ODAD4: variants seen among roughly 807,000 people sequenced by gnomAD.
The protein encoded by ODAD4 is outer dynein arm docking complex subunit 4.
ODAD4 carries 49 observed loss-of-function variants against 51.8 expected under a neutral mutation model. The ratio of observed to expected loss-of-function variants is 0.95; its 90% CI spans 0.75 to 1.20. The LOEUF (loss-of-function observed/expected upper bound fraction) is 1.20, where lower values mean the gene tolerates loss of function less well. Among genes scored for constraint, ODAD4 ranks in the 50% most tolerant of loss-of-function variants. The pLI is 0.00. For missense variants in ODAD4, 590 were observed against 586.5 expected, an observed-to-expected ratio of 1.01 and a Z score of -0.06; for synonymous variants, 235 against 221.3, an observed-to-expected ratio of 1.06 and a Z score of -0.55.
chr17:41,963,361 C>A (rs892103972), intron 11 of ODAD4, among the ~76,000 whole-genome samples: 35 of 152,044 alleles, frequency 2.3e-4, no homozygotes, highest in Non-Finnish European at 4.4e-4. Flanking sequence ...TTCAGCTGAA[C>A]TTTTTGTTAG....
intron 10 of ODAD4, among the ~76,000 whole-genome samples, chr17:41,957,140 A>C (rs926008321): frequency 2.6e-5 from 4 of 152,076 alleles, no homozygotes; most frequent in Non-Finnish European, 5.9e-5. Context: ...TCCTGGACTC[A>C]AGTGATCCTC....
intron 7 of ODAD4, among the ~76,000 whole-genome samples, chr17:41,944,321 G>A (rs1471338969): frequency 6.6e-6 from 1 of 151,756 alleles, no homozygotes; most frequent in African/African-American, 2.4e-5. Flanking sequence ...CCAAGATTGT[G>A]CCACCGCACT....
chr17:41,940,720 A>G (rs973660613), intron 7 of ODAD4, among the ~76,000 whole-genome samples: 1 of 152,210 alleles, frequency 6.6e-6, no homozygotes, highest in Non-Finnish European at 1.5e-5. Flanking sequence ...TGTGGGGATT[A>G]GATGTGATGT....
At chr17:41,957,725 C>T (rs1476472984) in intron 10 of ODAD4, among the ~76,000 whole-genome samples, 2 of 152,222 alleles carry the variant, frequency 1.3e-5, no homozygotes, top group Admixed American at 6.5e-5. Flanking sequence ...CCCCAGCCCC[C>T]ATCACCTTGC....
intron 7 of ODAD4, among the ~76,000 whole-genome samples, chr17:41,941,795 A>G (rs900542778): frequency 4.6e-5 from 7 of 151,708 alleles, no homozygotes; most frequent in Middle Eastern, 3.2e-3. Context: ...AGAGAAAAGA[A>G]AAGCCTGCCT....
chr17:41,949,216 C>A lies in ODAD4; in HGVS notation c.1209C>A (p.Ile403=). 1 of 398,540 alleles carries A rather than the reference C, an allele frequency of 2.5e-6. No homozygotes were observed. The highest frequency in any genetic ancestry group is 4.4e-5 in the Admixed American group (1 of 22,688). 24.7% of individuals were successfully genotyped at this position (398,540 alleles called of 1,614,324 possible). Residue 403 remains isoleucine (I), a synonymous_variant, in exon 9 of 12, where the codon ATC becomes ATA. Coordinates refer to ENST00000377540, the MANE Select transcript of ODAD4 (RefSeq NM_031421.5). ...AGAAGACCTGGCTGTTCCACGAGAT[C>A]GGCCGCTGCTACTTGGAGCTGGACC... ...TLEKTWLFHE[I]GRCYLELDQA...
At chr17:41,945,341 T>G in intron 8 of ODAD4, 119 bp downstream of exon 8, 4 of 368,462 alleles carry the variant, frequency 1.1e-5, no homozygotes, top group Non-Finnish European at 1.3e-5. Flanking sequence ...ACTCCCTCTC[T>G]ACAAAAAAAA....
chr17:41,938,101 G>T (rs1185316653), intron 5 of ODAD4, among the ~76,000 whole-genome samples: 1 of 152,238 alleles, frequency 6.6e-6, no homozygotes. Context: ...TTTGCTTCTG[G>T]CTGTAACCTC....
intron 8 of ODAD4, among the ~76,000 whole-genome samples, chr17:41,948,318 T>C: frequency 1.2e-5 from 1 of 83,468 alleles, no homozygotes; most frequent in East Asian, 5.1e-4. Flanking sequence ...TTTTCTTTCT[T>C]TCCTTTTTTT....
chr17:41,959,241 G>A (rs2050773670), intron 10 of ODAD4, among the ~76,000 whole-genome samples: 1 of 152,148 alleles, frequency 6.6e-6, no homozygotes, highest in Non-Finnish European at 1.5e-5. Flanking sequence ...AACTTCACAG[G>A]TGCACACTCA....
chr17:41,953,791 C>A (rs1332129119), intron 9 of ODAD4, among the ~76,000 whole-genome samples: 1 of 151,796 alleles, frequency 6.6e-6, no homozygotes, highest in Admixed American at 6.6e-5. Context: ...TCTCAGCCTC[C>A]CGAGTAGCTG....
chr17:41,957,075 T>G, intron 10 of ODAD4, among the ~76,000 whole-genome samples: 1 of 152,050 alleles, frequency 6.6e-6, no homozygotes, highest in Non-Finnish European at 1.5e-5. Context: ...GGGGGCTAAT[T>G]TTTTATTTTT....
intron 7 of ODAD4, among the ~76,000 whole-genome samples, chr17:41,941,766 C>CAAA (rs35275435): frequency 8.2e-6 from 1 of 122,332 alleles, no homozygotes; most frequent in African/African-American, 3.0e-5. Context: ...GACTCCGTCT[C>CAAA]AAAAAAAAAA....
In ODAD4 at chr17:41,934,038, C is replaced by CTTTTTTTTTTTTTTTT. The variant is rs782039270; in HGVS notation, c.115-1173_115-1158dup. ...CCCTTTCTTTCTTTTTTCTTTCTTT[C>CTTTTTTTTTTTTTTTT]TTTTTTTTTTTTTTTTTTTTTGAGA... On this transcript the variant is annotated intron_variant, in intron 1 of 11. Transcript: ENST00000377540. Among the ~76,000 whole-genome samples, 204 of 65,518 alleles carry CTTTTTTTTTTTTTTTT rather than the reference C, an allele frequency of 3.1e-3. 3 individuals carry two copies. The highest frequency in any genetic ancestry group is 3.5e-3 in the Non-Finnish European group (139 of 39,216). The allele number at this position is 65,518 out of a possible 152,430, so 43.0% of individuals were successfully genotyped here.
chr17:41,957,168 A>T (rs71373477), intron 10 of ODAD4, among the ~76,000 whole-genome samples: 14,791 of 152,148 alleles, frequency 0.097, 973 homozygotes, highest in Non-Finnish European at 0.14. Context: ...GGGCTTCCAA[A>T]GTGCTGGGAC....
intron 7 of ODAD4, among the ~76,000 whole-genome samples, chr17:41,940,543 C>G (rs529822213): frequency 6.6e-6 from 1 of 152,342 alleles, no homozygotes; most frequent in South Asian, 2.1e-4. Flanking sequence ...ATATCCCATA[C>G]TGGCCATCCC....
chr17:41,940,925 A>T (rs1367856058), intron 7 of ODAD4, among the ~76,000 whole-genome samples: 1 of 152,078 alleles, frequency 6.6e-6, no homozygotes, highest in Non-Finnish European at 1.5e-5. Context: ...TCCCAAACTT[A>T]CTTCTTGAGG....
At chr17:41,935,441 C>T in intron 2 of ODAD4, 93 bp downstream of exon 2, 1 of 1,538,526 alleles carries the variant, frequency 6.5e-7, no homozygotes, top group Non-Finnish European at 8.8e-7. Flanking sequence ...GCCAGACTGC[C>T]TAGTGTTTGA....
chr17:41,952,121 C>T (rs1330851058), intron 9 of ODAD4, among the ~76,000 whole-genome samples: 1 of 151,896 alleles, frequency 6.6e-6, no homozygotes, highest in African/African-American at 2.4e-5. Flanking sequence ...GTAATCCCTG[C>T]ACTTTGGGAG....
Sources: allele counts gnomAD v4.1 joint callset (sites outside exome capture counted in the v4.1 genomes callset), GRCh38; gene constraint gnomAD v4.1.1; transcripts MANE v1.5; gene names NCBI Gene and HGNC (gene_info 2026-07-23, HGNC 2026-07-21).